Variants in PXDNL observed in about 807,000 individuals in gnomAD.
PXDNL encodes the protein probable oxidoreductase PXDNL.
A neutral mutation model predicts 150.8 loss-of-function variants in PXDNL; 145 were observed. That is an observed-to-expected ratio of 0.96 (90% confidence interval 0.84 to 1.10). The LOEUF (loss-of-function observed/expected upper bound fraction) is 1.10, where lower values mean the gene tolerates loss of function less well. Among genes scored for constraint, PXDNL ranks in the 50% least tolerant of loss-of-function variants. The pLI is 0.00. For missense variants in PXDNL, 2,087 were observed against 1,873.9 expected, an observed-to-expected ratio of 1.11 and a Z score of -2.10; for synonymous variants, 757 against 725.7, an observed-to-expected ratio of 1.04 and a Z score of -0.69.
chr8:51,782,549 G>C (rs766641534), intron 1 of PXDNL, among the ~76,000 whole-genome samples: 1 of 152,200 alleles, frequency 6.6e-6, no homozygotes, highest in African/African-American at 2.4e-5. Context: ...AGGGCACATA[G>C]TAGTCACTGA....
intron 1 of PXDNL, among the ~76,000 whole-genome samples, chr8:51,683,941 T>C (rs1361379888): frequency 6.6e-6 from 1 of 152,146 alleles, no homozygotes; most frequent in East Asian, 1.9e-4. Context: ...TCTGCCCCTT[T>C]CCCTCCCACC....
intron 2 of PXDNL, among the ~76,000 whole-genome samples, chr8:51,652,450 CACACACACACAA>C (rs1259772593): frequency 6.6e-6 from 1 of 151,106 alleles, no homozygotes; most frequent in Non-Finnish European, 1.5e-5. Flanking sequence ...CACACACACA[CACACACACACAA>C]ACACACACAC....
intron 1 of PXDNL, among the ~76,000 whole-genome samples, chr8:51,674,610 C>T (rs763307229): frequency 1.1e-4 from 17 of 152,158 alleles, no homozygotes; most frequent in South Asian, 2.1e-4. Flanking sequence ...GTGTTTACTC[C>T]GAAATTCCAA....
chr8:51,775,563 T>A (rs1326603878), intron 1 of PXDNL, among the ~76,000 whole-genome samples: 1 of 152,164 alleles, frequency 6.6e-6, no homozygotes, highest in East Asian at 1.9e-4. Context: ...TTCCCCAAAT[T>A]AATACTTTTA....
intron 5 of PXDNL, among the ~76,000 whole-genome samples, chr8:51,486,796 T>A (rs552244802): frequency 9.6e-4 from 47 of 49,132 alleles, no homozygotes; most frequent in African/African-American, 3.4e-3. Context: ...ATATATATAT[T>A]TTTTTTTTTT....
chr8:51,546,670 C>T (rs1240337248), intron 4 of PXDNL, among the ~76,000 whole-genome samples: 1 of 152,168 alleles, frequency 6.6e-6, no homozygotes, highest in Admixed American at 6.5e-5. Context: ...ACAGAAGCTC[C>T]AGCGGATGGT....
intron 1 of PXDNL, among the ~76,000 whole-genome samples, chr8:51,709,934 C>T (rs1353573887): frequency 6.6e-6 from 1 of 152,100 alleles, no homozygotes; most frequent in Non-Finnish European, 1.5e-5. Context: ...GAATGATAGA[C>T]TCTAAATGTT....
intron 14 of PXDNL, among the ~76,000 whole-genome samples, chr8:51,415,271 T>C (rs1032127499): frequency 6.6e-6 from 1 of 152,210 alleles, no homozygotes; most frequent in Admixed American, 6.5e-5. Flanking sequence ...TGTTCTCGCA[T>C]TGCTATAAAG....
At chr8:51,325,790 A>G (rs541673650) in intron 21 of PXDNL, among the ~76,000 whole-genome samples, 7 of 152,260 alleles carry the variant, frequency 4.6e-5, no homozygotes, top group Non-Finnish European at 8.8e-5. Flanking sequence ...AGCAGCCTCA[A>G]GGTGTCCTTA....
intron 9 of PXDNL, among the ~76,000 whole-genome samples, chr8:51,455,524 A>G (rs1248168366): frequency 2.0e-5 from 3 of 152,298 alleles, no homozygotes; most frequent in Middle Eastern, 3.4e-3. Context: ...GGAAGAGGAA[A>G]AAAATGTGAT....
chr8:51,544,029 T>A (rs1313126173), intron 4 of PXDNL, among the ~76,000 whole-genome samples: 1 of 152,220 alleles, frequency 6.6e-6, no homozygotes, highest in African/African-American at 2.4e-5. Context: ...TTACTCTTGT[T>A]CTGAAAAGTG....
chr8:51,390,754 T>C (rs1807873217), intron 17 of PXDNL, among the ~76,000 whole-genome samples: 1 of 152,034 alleles, frequency 6.6e-6, no homozygotes. Flanking sequence ...TTTATTTTAT[T>C]ATTATTATAC....
chr8:51,446,843 A>G (rs1279779142), intron 12 of PXDNL, among the ~76,000 whole-genome samples, 161 bp downstream of exon 12: 2 of 152,184 alleles, frequency 1.3e-5, no homozygotes, highest in East Asian at 3.9e-4. Flanking sequence ...GAAGTTATAT[A>G]AAAGACTGAT....
Position 51,804,826 on chromosome 8 carries a change from G to A in PXDNL, c.164+4355C>T, listed in dbSNP as rs2037658829. Among the ~76,000 whole-genome samples, 4 of 152,066 alleles carry A rather than the reference G, an allele frequency of 2.6e-5. No individual in the cohort carries two copies. In the South Asian group the frequency reaches 8.3e-4, roughly 31 times the overall value. On this transcript the variant is annotated intron_variant, in intron 1 of 22. Transcript: ENST00000356297. Reference sequence around the variant, plus strand: ...CTCCACTGACCTTCTAAAACAATTTGTCTGTCCATTTGTTTCTTGAAGGAT... The same window carrying A: ...CTCCACTGACCTTCTAAAACAATTTATCTGTCCATTTGTTTCTTGAAGGAT...
At chr8:51,464,181 C>G (rs1244138785) in intron 8 of PXDNL, among the ~76,000 whole-genome samples, 1 of 151,940 alleles carries the variant, frequency 6.6e-6, no homozygotes, top group Non-Finnish European at 1.5e-5. Context: ...CTAGGCAATG[C>G]AGCAAGACCC....
At chr8:51,400,006 C>A (rs1209314035) in intron 17 of PXDNL, among the ~76,000 whole-genome samples, 1 of 152,110 alleles carries the variant, frequency 6.6e-6, no homozygotes, top group Non-Finnish European at 1.5e-5. Context: ...GTAAAATAAT[C>A]TATCATAGTA....
chr8:51,483,227 G>A (rs1440641822), intron 6 of PXDNL, among the ~76,000 whole-genome samples: 2 of 152,196 alleles, frequency 1.3e-5, no homozygotes, highest in Non-Finnish European at 2.9e-5. Flanking sequence ...TTTGCTTAAT[G>A]TAGGAGGAAA....
intron 1 of PXDNL, among the ~76,000 whole-genome samples, chr8:51,742,064 C>T (rs542321786): frequency 2.8e-4 from 42 of 152,268 alleles, no homozygotes; most frequent in East Asian, 1.5e-3. Flanking sequence ...TCAGCAACAG[C>T]GAAAGAAATG....
intron 17 of PXDNL, among the ~76,000 whole-genome samples, chr8:51,398,887 G>T (rs1808166214): frequency 6.6e-6 from 1 of 151,918 alleles, no homozygotes. Context: ...AATTAAAGAA[G>T]GTATGCTCTT....
Sources: allele counts gnomAD v4.1 joint callset (sites outside exome capture counted in the v4.1 genomes callset), GRCh38; gene constraint gnomAD v4.1.1; transcripts MANE v1.5; gene names NCBI Gene and HGNC (gene_info 2026-07-23, HGNC 2026-07-21).